ZNF407: variants seen among roughly 807,000 people sequenced by gnomAD.
ZNF407 encodes zinc finger protein 407.
A neutral mutation model predicts 131.2 loss-of-function variants in ZNF407; 17 were observed. That is an observed-to-expected ratio of 0.13 (90% CI 0.09 to 0.19). The LOEUF is 0.19. Ranked by LOEUF, ZNF407 falls within the 10% of genes least tolerant of loss-of-function variation. ZNF407 has a pLI of 1.00. For missense variants in ZNF407, 2,681 were observed against 2,830.6 expected (o/e 0.95, Z 1.20); for synonymous variants, 1,156 against 1,062.0 (o/e 1.09, Z -1.72).
intron 6 of ZNF407, among the ~76,000 whole-genome samples, chr18:74,881,326 C>T (rs1971234950): frequency 6.6e-6 from 1 of 152,168 alleles, no homozygotes; most frequent in Non-Finnish European, 1.5e-5. Flanking sequence ...TTCCATATTT[C>T]AAGAAGCAGG....
intron 3 of ZNF407, among the ~76,000 whole-genome samples, chr18:74,749,662 T>C (rs1737485114): frequency 6.6e-6 from 1 of 152,216 alleles, no homozygotes; most frequent in Non-Finnish European, 1.5e-5. Flanking sequence ...TCAGAATTTA[T>C]TGGCTCCCGA....
chr18:74,970,183 TC>T (rs926996412), intron 8 of ZNF407, among the ~76,000 whole-genome samples: 1 of 144,436 alleles, frequency 6.9e-6, no homozygotes, highest in Non-Finnish European at 1.5e-5. Context: ...CTCCAGTCCC[TC>T]CCACAACACG....
At chr18:74,854,937 A>AGAT (rs1192252587) in intron 4 of ZNF407, among the ~76,000 whole-genome samples, 1 of 152,202 alleles carries the variant, frequency 6.6e-6, no homozygotes, top group Non-Finnish European at 1.5e-5. Context: ...ACTAACTTAT[A>AGAT]GATTAGTGAA....
At chr18:74,612,645 G>A (rs1223584409) in intron 1 of ZNF407, among the ~76,000 whole-genome samples, 1 of 152,190 alleles carries the variant, frequency 6.6e-6, no homozygotes, top group African/African-American at 2.4e-5. Context: ...CCTACTGTGT[G>A]CCAGGCACTG....
At chr18:74,927,849 A>G (rs1971934169) in intron 8 of ZNF407, among the ~76,000 whole-genome samples, 1 of 152,238 alleles carries the variant, frequency 6.6e-6, no homozygotes, top group African/African-American at 2.4e-5. Flanking sequence ...TAGTATTCAT[A>G]CATACATATT....
In ZNF407 at chr18:75,044,002, T is replaced by G. The variant is rs541698364; in HGVS notation, c.5429-19148T>G. Among the ~76,000 whole-genome samples the G allele has an allele frequency of 2.6e-5, 4 of 152,342 alleles. No individual in the cohort carries two copies. In the South Asian group the frequency reaches 8.3e-4, roughly 32 times the overall value. On this transcript the variant is annotated intron_variant, in intron 8 of 8. Coordinates refer to ENST00000299687, the MANE Select transcript of ZNF407 (RefSeq NM_017757.3). Reference sequence around the variant, plus strand: ...AATTATTCTAATTACCTTTAATTTTTGGTATCTACTATATGTTTCTGTAAA... The same window carrying G: ...AATTATTCTAATTACCTTTAATTTTGGGTATCTACTATATGTTTCTGTAAA...
chr18:75,063,925 T>G lies in ZNF407; in HGVS notation c.6204T>G (p.Ser2068=), dbSNP rs747379230. Reference sequence around the variant, plus strand: ...TCCATCCCTCAGCAGCCATGGCCTCTCAGGAGCGGGCACAGGTGGCCTTCA... The same window carrying G: ...TCCATCCCTCAGCAGCCATGGCCTCGCAGGAGCGGGCACAGGTGGCCTTCA... ...QVVHPSAAMA[S]QERAQVAFKK... Residue 2068 remains serine (S), a synonymous_variant, in exon 9 of 9, where the codon TCT becomes TCG. Transcript: ENST00000299687. This position sits in a 1 kb window ranked among gnomAD's most constrained non-coding sequence, Gnocchi z 6.6. The G allele has an allele frequency of 6.2e-7, 1 of 1,613,628 alleles. No homozygotes were observed. Among genetic ancestry groups the G allele is most frequent in the Non-Finnish European group, 8.5e-7 (1 of 1,179,848 alleles).
At chr18:74,999,838 T>C (rs1016117276) in intron 8 of ZNF407, among the ~76,000 whole-genome samples, 3 of 152,240 alleles carry the variant, frequency 2.0e-5, no homozygotes, top group Admixed American at 1.3e-4. Context: ...TTTTCAATGA[T>C]GTTTTGACAC....
intron 6 of ZNF407, among the ~76,000 whole-genome samples, chr18:74,882,504 C>T (rs1239886155): frequency 3.3e-5 from 5 of 152,148 alleles, no homozygotes; most frequent in Admixed American, 6.5e-5. Flanking sequence ...CAGTTAGGTA[C>T]AGGTAGCTTC....
chr18:74,730,278 A>G (rs1393307757), intron 3 of ZNF407, among the ~76,000 whole-genome samples: 3 of 152,202 alleles, frequency 2.0e-5, no homozygotes, highest in Non-Finnish European at 2.9e-5. Flanking sequence ...TCTCCCTGTA[A>G]TGGCTTCTCT....
At chr18:74,853,533 ATAGT>A (rs568323311) in intron 4 of ZNF407, among the ~76,000 whole-genome samples, 202 of 152,308 alleles carry the variant, frequency 1.3e-3, no homozygotes, top group Non-Finnish European at 1.6e-3. Context: ...TTGTAATTGA[ATAGT>A]TATTCTTTTT....
Position 74,635,535 on chromosome 18 carries a change from A to G in ZNF407, c.4516A>G (p.Lys1506Glu). ...DSEQNLFLHIKGQHEELLREV... is the reference protein window; with the variant it reads ...DSEQNLFLHIEGQHEELLREV... ...TGAACAGAATTTATTTTTACATATT[A>G]AAGGACAGCATGAGGAATTGCTGCG... The change falls in exon 2 of 9, where the codon AAA (lysine) becomes GAA (glutamate). Residue 1506 changes from lysine to glutamate, a missense_variant. Around this residue, in one of 6 missense-constraint regions of ZNF407, gnomAD observed 213 missense variants for 332.2 expected, o/e 0.64. Coordinates refer to ENST00000299687, the MANE Select transcript of ZNF407 (RefSeq NM_017757.3). This position sits in a 1 kb window ranked among gnomAD's most constrained non-coding sequence, Gnocchi z 4.7. 6.2e-7 allele frequency: 1 copy of G among 1,613,462 alleles called. No homozygotes were observed. The highest frequency in any genetic ancestry group is 8.5e-7 in the Non-Finnish European group (1 of 1,179,590).
chr18:75,009,528 C>A (rs1163229081), intron 8 of ZNF407, among the ~76,000 whole-genome samples: 1 of 152,018 alleles, frequency 6.6e-6, no homozygotes, highest in Admixed American at 6.6e-5. Context: ...AGTGAAGTAA[C>A]CGTTCTTACA....
intron 8 of ZNF407, among the ~76,000 whole-genome samples, chr18:75,027,388 G>A (rs992350968): frequency 1.3e-5 from 2 of 152,190 alleles, no homozygotes; most frequent in South Asian, 2.1e-4. Flanking sequence ...TTGGGAGGAC[G>A]GAAGGTAGAA....
At chr18:74,814,737 C>T (rs1016041490) in intron 4 of ZNF407, among the ~76,000 whole-genome samples, 2 of 151,972 alleles carry the variant, frequency 1.3e-5, no homozygotes, top group Non-Finnish European at 2.9e-5. Context: ...TATAATCTTA[C>T]TGCGTAAAAT....
rs189454229 is a variant in ZNF407, at chr18:74,807,961, C to T, written c.4877+26459C>T. On this transcript the variant is annotated intron_variant, in intron 4 of 8. Transcript: ENST00000299687. Reference sequence around the variant, plus strand: ...CTTGATCTCCTGGGCTCAAGCGATCCCCCACCTCAGCTTCTCAAAGAGCTG... The same window carrying T: ...CTTGATCTCCTGGGCTCAAGCGATCTCCCACCTCAGCTTCTCAAAGAGCTG... Among the ~76,000 whole-genome samples, 44 of 152,134 alleles carry T rather than the reference C, an allele frequency of 2.9e-4. 1 individual carries two copies. The East Asian group carries it at 8.5e-3, about 29-fold the overall frequency.
rs116297940 is a variant in ZNF407, at chr18:74,965,472, A to T, written c.5428+44780A>T. On this transcript the variant is annotated intron_variant, in intron 8 of 8. Coordinates refer to ENST00000299687, the MANE Select transcript of ZNF407 (RefSeq NM_017757.3). ...AATGACCTCCAGTTCTATCCATGTT[A>T]TTGCAGATAACAGGATTTCATTCTG... Among the ~76,000 whole-genome samples the T allele has an allele frequency of 5.1e-3, 780 of 152,218 alleles. 6 individuals are homozygous for T. The highest frequency in any genetic ancestry group is 0.017 in the African/African-American group (716 of 41,524).
intron 4 of ZNF407, among the ~76,000 whole-genome samples, chr18:74,831,732 A>G (rs1051362739): frequency 2.6e-5 from 4 of 152,164 alleles, no homozygotes; most frequent in African/African-American, 9.7e-5. Context: ...CGTCGATGCC[A>G]CGTGTCCCCC....
chr18:74,795,206 A>G (rs1969897001), intron 4 of ZNF407, among the ~76,000 whole-genome samples: 1 of 152,232 alleles, frequency 6.6e-6, no homozygotes, highest in African/African-American at 2.4e-5. Flanking sequence ...TTTATTATGA[A>G]GAAATGTGTA....
Sources: allele counts gnomAD v4.1 joint callset (sites outside exome capture counted in the v4.1 genomes callset), GRCh38; gene constraint gnomAD v4.1.1; regional missense constraint gnomAD v4.1.1; non-coding constraint Gnocchi (gnomAD v3.1); transcripts MANE v1.5; gene names NCBI Gene and HGNC (gene_info 2026-07-23, HGNC 2026-07-21).